CSMD1: variants seen among roughly 807,000 people sequenced by gnomAD.
The protein encoded by CSMD1 is CUB and Sushi multiple domains 1.
CSMD1 carries 213 observed loss-of-function variants against 417.5 expected under a neutral mutation model. That is an observed-to-expected ratio of 0.51 (90% CI 0.46 to 0.57). The LOEUF (loss-of-function observed/expected upper bound fraction) is 0.57. Ranked by LOEUF, CSMD1 falls within the 20% of genes least tolerant of loss-of-function variation. The pLI is 0.00. For synonymous variants in CSMD1, 2,862 were observed against 1,736.8 expected, an observed-to-expected ratio of 1.65 and a Z score of -16.11; for missense variants, 6,923 against 4,529.7, an observed-to-expected ratio of 1.53 and a Z score of -15.17.
Position 3,855,978 on chromosome 8 carries a change from T to G in CSMD1, c.819-101936A>C, listed in dbSNP as rs142990530. Among the ~76,000 whole-genome samples, 558 of 152,310 alleles carry G rather than the reference T, an allele frequency of 3.7e-3. 3 individuals carry two copies. The highest frequency in any genetic ancestry group is 7.3e-3 in the African/African-American group (304 of 41,574). On this transcript the variant is annotated intron_variant, in intron 5 of 69. Coordinates refer to ENST00000635120, the MANE Select transcript of CSMD1 (RefSeq NM_033225.6). ...CCCTACTACTGAGTTTCATGATATC[T>G]GTCAGTATTAATCAATTTTTTTTTG...
chr8:4,319,467 T>C (rs4875331), intron 3 of CSMD1, among the ~76,000 whole-genome samples: 1 of 151,904 alleles, frequency 6.6e-6, no homozygotes. Flanking sequence ...CTACTCCTTC[T>C]TAAGGCTTTG....
chr8:3,461,838 G>A (rs1816526165), intron 12 of CSMD1, among the ~76,000 whole-genome samples: 1 of 152,228 alleles, frequency 6.6e-6, no homozygotes, highest in African/African-American at 2.4e-5. Context: ...CACCTGAGCA[G>A]TGCACTGTGA....
intron 49 of CSMD1, among the ~76,000 whole-genome samples, chr8:3,066,238 G>A (rs748726341): frequency 6.6e-6 from 1 of 152,222 alleles, no homozygotes; most frequent in South Asian, 2.1e-4. Context: ...ATGAAATGAA[G>A]CATTTCAATA....
At chr8:4,005,860 G>A (rs1486658267) in intron 4 of CSMD1, among the ~76,000 whole-genome samples, 2 of 152,162 alleles carry the variant, frequency 1.3e-5, no homozygotes, top group East Asian at 3.9e-4. Flanking sequence ...TAATTCCCTG[G>A]TCCCCATGAA....
chr8:3,874,157 A>G (rs1242837281), intron 5 of CSMD1, among the ~76,000 whole-genome samples: 1 of 152,050 alleles, frequency 6.6e-6, no homozygotes, highest in African/African-American at 2.4e-5. Context: ...GCAATCTGCT[A>G]TGTGCTATAA....
chr8:4,351,259 G>C (rs1019966897), intron 3 of CSMD1, among the ~76,000 whole-genome samples: 1 of 152,092 alleles, frequency 6.6e-6, no homozygotes, highest in African/African-American at 2.4e-5. Flanking sequence ...GTCTTTCTAA[G>C]AAGTAAACAT....
rs112553271 is a variant in CSMD1 at position 4,438,796 on chromosome 8, A to C, written c.303-18731T>G. ...GAATCACAAGTGCTTGAAGGATCAA[A>C]AGATTTGCTTATTATTCAAGATCTA... On this transcript the variant is annotated intron_variant, in intron 2 of 69. Transcript: ENST00000635120. Among the ~76,000 whole-genome samples the C allele has an allele frequency of 7.0e-3, 1,070 of 152,330 alleles. 11 individuals carry two copies. The highest frequency in any genetic ancestry group is 0.024 in the African/African-American group (997 of 41,576).
intron 1 of CSMD1, among the ~76,000 whole-genome samples, chr8:4,754,064 G>C (rs553956804): frequency 6.6e-6 from 1 of 152,252 alleles, no homozygotes; most frequent in Non-Finnish European, 1.5e-5. Context: ...AAAAATGTAT[G>C]CGTTGCTCAC....
At chr8:4,303,991 G>C (rs1336331125) in intron 3 of CSMD1, among the ~76,000 whole-genome samples, 2 of 152,114 alleles carry the variant, frequency 1.3e-5, no homozygotes, top group Non-Finnish European at 2.9e-5. Flanking sequence ...CCTAGAACCT[G>C]AACATGATGT....
chr8:3,802,350 A>G (rs1800503618), intron 5 of CSMD1, among the ~76,000 whole-genome samples: 1 of 152,176 alleles, frequency 6.6e-6, no homozygotes, highest in Admixed American at 6.5e-5. Flanking sequence ...ACATCTGTAT[A>G]TGTGTGCATG....
intron 52 of CSMD1, among the ~76,000 whole-genome samples, chr8:3,013,862 C>G (rs1808613882): frequency 6.6e-6 from 1 of 152,030 alleles, no homozygotes; most frequent in Non-Finnish European, 1.5e-5. Context: ...AAACTGAAGT[C>G]ATGATTCTGG....
At chr8:4,487,110 A>T (rs778856753) in intron 2 of CSMD1, among the ~76,000 whole-genome samples, 64 of 152,184 alleles carry the variant, frequency 4.2e-4, no homozygotes, top group Non-Finnish European at 8.1e-4. Context: ...CTCAAGGAAG[A>T]ATACCAGATC....
At chr8:4,300,794 T>C (rs149678786) in intron 3 of CSMD1, among the ~76,000 whole-genome samples, 2,305 of 152,260 alleles carry the variant, frequency 0.015, 31 homozygotes, top group South Asian at 0.051. Context: ...GTTTGGTTTT[T>C]TGTCCTGGCA....
chr8:3,545,520 T>C (rs1042485374), intron 10 of CSMD1, among the ~76,000 whole-genome samples: 18 of 152,196 alleles, frequency 1.2e-4, no homozygotes, highest in Non-Finnish European at 2.5e-4. Flanking sequence ...AATCATACTG[T>C]TCGGTATAAT....
At chr8:3,603,180 T>C (rs971420624) in intron 8 of CSMD1, among the ~76,000 whole-genome samples, 1 of 152,196 alleles carries the variant, frequency 6.6e-6, no homozygotes, top group Non-Finnish European at 1.5e-5. Context: ...TCTTAAAAAA[T>C]GCAGTTGATG....
chr8:3,531,274 T>A (rs1222128686), intron 10 of CSMD1, among the ~76,000 whole-genome samples: 1 of 152,242 alleles, frequency 6.6e-6, no homozygotes, highest in African/African-American at 2.4e-5. Context: ...ACCATGGATA[T>A]TAATTATTAT....
At chr8:3,313,938 C>T (rs1480165248) in intron 23 of CSMD1, among the ~76,000 whole-genome samples, 2 of 151,726 alleles carry the variant, frequency 1.3e-5, no homozygotes, top group Non-Finnish European at 2.9e-5. Flanking sequence ...TACTATGCAG[C>T]CATAAAAAAT....
chr8:3,205,597 C>T lies in CSMD1; in HGVS notation c.4891G>A (p.Gly1631Arg), dbSNP rs1158473158. Residue 1631 changes from glycine (G) to arginine (R), a missense_variant, in exon 31 of 70, where the codon GGA (glycine) becomes AGA (arginine). Transcript: ENST00000635120. ...CNAPCGGQYTGSEGVVLSPNY... is the reference protein window; with the variant it reads ...CNAPCGGQYTRSEGVVLSPNY... Reference sequence around the variant, plus strand: ...GGTGATAAAACTACCCCTTCTGATCCCGTGTACTGGCCTCCACAGGGAGCT... The same window carrying T: ...GGTGATAAAACTACCCCTTCTGATCTCGTGTACTGGCCTCCACAGGGAGCT... 6.3e-7 allele frequency: 1 copy of T among 1,582,180 alleles called. No homozygotes were observed.
intron 3 of CSMD1, among the ~76,000 whole-genome samples, chr8:4,246,803 T>A (rs559140275): frequency 6.6e-6 from 1 of 152,174 alleles, no homozygotes; most frequent in East Asian, 1.9e-4. Flanking sequence ...AGAAATGTAG[T>A]ATAGGACATT....
Sources: gnomAD v4.1 joint callset for allele counts (sites outside exome capture counted in the v4.1 genomes callset) on GRCh38, gnomAD v4.1.1 for gene constraint, MANE v1.5 for transcripts, NCBI Gene and HGNC (gene_info 2026-07-23, HGNC 2026-07-21) for gene names.